NUP98: variants seen among roughly 807,000 people sequenced by gnomAD.
NUP98 encodes the protein nucleoporin 98 and 96 precursor, also known as nuclear pore complex protein Nup98-Nup96.
NUP98 carries 26 observed loss-of-function variants against 191.9 expected under a neutral mutation model. That is an observed-to-expected ratio of 0.14 (90% CI 0.10 to 0.19). The LOEUF (loss-of-function observed/expected upper bound fraction) is 0.19. NUP98 is among the 10% of genes least tolerant of loss of function. The pLI, the probability that NUP98 is intolerant of heterozygous loss-of-function variation, is 1.00. For synonymous variants in NUP98, 808 were observed against 778.4 expected (o/e 1.04, Z -0.63); for missense variants, 1,941 against 2,178.8 (o/e 0.89, Z 2.17).
chr11:3,686,889 T>A (rs956610377), intron 28 of NUP98, among the ~76,000 whole-genome samples: 4 of 152,038 alleles, frequency 2.6e-5, no homozygotes, highest in African/African-American at 9.7e-5. Context: ...CAGGAGGCTG[T>A]GGCACAAGAA....
At chr11:3,792,447 C>CA (rs1248055883) in intron 1 of NUP98, among the ~76,000 whole-genome samples, 5 of 151,826 alleles carry the variant, frequency 3.3e-5, no homozygotes, top group African/African-American at 1.2e-4. Context: ...CCCGTCTCTA[C>CA]AAAAAATACA....
intron 11 of NUP98, among the ~76,000 whole-genome samples, chr11:3,751,131 G>A (rs2080734131): frequency 6.6e-6 from 1 of 152,104 alleles, no homozygotes; most frequent in South Asian, 2.1e-4. Context: ...GGCCGAGGCG[G>A]GCAGATCACC....
At chr11:3,760,757 TAGAAAAA>T in intron 9 of NUP98, 131 bp from the exon 10 acceptor site, 1 of 630,786 alleles carries the variant, frequency 1.6e-6, no homozygotes, top group Non-Finnish European at 2.6e-6. Context: ...ATAAAAAAGG[TAGAAAAA>T]AGATGAATAA....
chr11:3,683,330 G>T lies in NUP98; in HGVS notation c.4788C>A (p.Ala1596=). The change falls in exon 30 of 33, where the codon GCC becomes GCA. Residue 1596 remains alanine (A), a synonymous_variant. Coordinates refer to ENST00000324932, the MANE Select transcript of NUP98 (RefSeq NM_016320.5). ...CAGCTTTGGCCTCGTGGATCCATTT[G>T]GCAGGTACACGGAGCTTCTGGGTAA... The part of the protein sequence containing the change: ...TFLTQKLRVP[A]KWIHEAKAVR... 6.2e-7 allele frequency: 1 copy of T among 1,614,162 alleles called. No homozygotes were observed. Among genetic ancestry groups the T allele is most frequent in the Non-Finnish European group, 8.5e-7 (1 of 1,180,034 alleles).
Position 3,744,583 on chromosome 11 carries a change from G to A in NUP98, c.1334C>T (p.Thr445Ile), listed in dbSNP as rs1413493489. The A allele has an allele frequency of 3.7e-6, 6 of 1,613,614 alleles. No homozygotes were observed. The highest frequency in any genetic ancestry group is 1.7e-5 in the Admixed American group (1 of 59,982). The change falls in exon 12 of 33, where the codon ACA becomes ATA. Residue 445 changes from threonine to isoleucine, a missense_variant. Thr to Ile is a moderately conservative substitution (Grantham distance 89). Transcript: ENST00000324932. Reference sequence around the variant, plus strand: ...AAATCCAGGGGCCCCAAAGGCTCCTGTACCAAGAGGCCCTCCAATCTTAGG... The same window carrying A: ...AAATCCAGGGGCCCCAAAGGCTCCTATACCAAGAGGCCCTCCAATCTTAGG... ...NQPKIGGPLGTGAFGAPGFNT... is the reference protein window; with the variant it reads ...NQPKIGGPLGIGAFGAPGFNT...
intron 20 of NUP98, among the ~76,000 whole-genome samples, chr11:3,708,308 G>C (rs906591618): frequency 1.3e-5 from 2 of 151,998 alleles, no homozygotes; most frequent in Admixed American, 6.6e-5. Context: ...AATGGGGAGG[G>C]GGAGAGTGGT....
At chr11:3,784,587 A>AC (rs71041394) in intron 1 of NUP98, among the ~76,000 whole-genome samples, 43,632 of 137,590 alleles carry the variant, frequency 0.32, 7,395 homozygotes, top group African/African-American at 0.44. Context: ...ATTAAAAACA[A>AC]AAAAAAAACA....
chr11:3,707,182 G>A (rs892842120), intron 20 of NUP98, among the ~76,000 whole-genome samples: 4 of 152,184 alleles, frequency 2.6e-5, no homozygotes, highest in Admixed American at 2.0e-4. Flanking sequence ...CGTAAGATAC[G>A]AGCACTATCT....
chr11:3,706,667 A>C, intron 20 of NUP98, 40 bp from the exon 21 acceptor site: 1 of 1,539,304 alleles, frequency 6.5e-7, no homozygotes, highest in South Asian at 1.1e-5. Context: ...GCATTAAATT[A>C]TACCAAACAG....
chr11:3,694,704 C>A (rs994464068), intron 26 of NUP98, among the ~76,000 whole-genome samples: 17 of 151,022 alleles, frequency 1.1e-4, no homozygotes, highest in Admixed American at 1.1e-3. Context: ...CGTGCCACTG[C>A]ACTCCAACCT....
chr11:3,737,415 G>A (rs908704449), intron 12 of NUP98, among the ~76,000 whole-genome samples: 1 of 151,638 alleles, frequency 6.6e-6, no homozygotes, highest in Non-Finnish European at 1.5e-5. Context: ...CACAAGGTCA[G>A]GAGATCGAGA....
chr11:3,751,700 T>C (rs2080763712), intron 11 of NUP98, among the ~76,000 whole-genome samples: 1 of 150,442 alleles, frequency 6.6e-6, no homozygotes, highest in East Asian at 2.0e-4. Flanking sequence ...CTCTCCAAAA[T>C]ATTAAAAAAC....
intron 1 of NUP98, among the ~76,000 whole-genome samples, chr11:3,793,087 GGCGACAGA>G (rs2082409997): frequency 6.6e-6 from 1 of 152,092 alleles, no homozygotes; most frequent in Non-Finnish European, 1.5e-5. Context: ...CTCCGACTTG[GGCGACAGA>G]GCACGACTCC....
chr11:3,676,424 G>C (rs1476656803), intron 32 of NUP98, 48 bp from the exon 33 acceptor site: 6 of 1,607,436 alleles, frequency 3.7e-6, no homozygotes, highest in Non-Finnish European at 5.1e-6. Flanking sequence ...GTCTGGAGAA[G>C]GGTGGTAGGC....
At chr11:3,688,708 T>C (rs2078206079) in intron 28 of NUP98, among the ~76,000 whole-genome samples, 1 of 149,656 alleles carries the variant, frequency 6.7e-6, no homozygotes, top group African/African-American at 2.4e-5. Context: ...GGCAGGAGAA[T>C]CGCTTGAACC....
At chr11:3,710,632 G>T (rs903565474) in intron 20 of NUP98, among the ~76,000 whole-genome samples, 1 of 152,140 alleles carries the variant, frequency 6.6e-6, no homozygotes, top group Non-Finnish European at 1.5e-5. Flanking sequence ...GAGATGAGAA[G>T]ACTGCTATTT....
intron 14 of NUP98, among the ~76,000 whole-genome samples, chr11:3,728,685 G>A (rs888820072): frequency 2.6e-5 from 4 of 152,138 alleles, no homozygotes; most frequent in African/African-American, 9.7e-5. Context: ...CTTGCAGTGA[G>A]CCGAGATGGG....
intron 7 of NUP98, among the ~76,000 whole-genome samples, chr11:3,769,969 G>A (rs1438193556): frequency 6.6e-6 from 1 of 150,620 alleles, no homozygotes; most frequent in Admixed American, 6.6e-5. Context: ...CTTGAACCCA[G>A]GAGGTGGAGG....
chr11:3,794,002 A>G (rs1386629039), intron 1 of NUP98, among the ~76,000 whole-genome samples: 1 of 151,894 alleles, frequency 6.6e-6, no homozygotes, highest in Non-Finnish European at 1.5e-5. Flanking sequence ...TACATGTGAA[A>G]TATTTTCACT....
Sources: allele counts gnomAD v4.1 joint callset (sites outside exome capture counted in the v4.1 genomes callset), GRCh38; gene constraint gnomAD v4.1.1; transcripts MANE v1.5; gene names NCBI Gene and HGNC (gene_info 2026-07-23, HGNC 2026-07-21).